Variants in TSHZ1 observed in about 807,000 individuals in gnomAD.
The protein encoded by TSHZ1 is teashirt zinc finger homeobox 1.
TSHZ1 carries 12 observed loss-of-function variants against 67.1 expected under a neutral mutation model. That is an observed-to-expected ratio of 0.18 (90% CI 0.11 to 0.29). The LOEUF (loss-of-function observed/expected upper bound fraction) is 0.29. TSHZ1 is among the 10% of genes least tolerant of loss of function. The pLI is 1.00. For missense variants in TSHZ1, 1,305 were observed against 1,413.9 expected (o/e 0.92, Z 1.23); for synonymous variants, 632 against 622.4 (o/e 1.02, Z -0.23).
intron 1 of TSHZ1, among the ~76,000 whole-genome samples, chr18:75,263,419 A>T (rs1046518313): frequency 6.6e-6 from 1 of 152,216 alleles, no homozygotes; most frequent in South Asian, 2.1e-4. Context: ...CGGTATAAAT[A>T]AGTTATCAAT....
Position 75,288,225 on chromosome 18 carries a change from A to G in TSHZ1, c.2818A>G (p.Ile940Val). The change falls in exon 2 of 2, where the codon ATC (isoleucine) becomes GTC (valine). Residue 940 changes from isoleucine to valine, a missense_variant. Ile to Val is a conservative substitution (Grantham distance 29). Transcript: ENST00000580243. This position sits in a 1 kb window ranked among gnomAD's most constrained non-coding sequence, Gnocchi z 4.9. ...GTTTACTGGGCTCTCCATGACCACC[A>G]TCAGCCACTGGCTGGCCAATGTGAA... ...SKFTGLSMTT[I>V]SHWLANVKYQ... The G allele has an allele frequency of 6.2e-7, 1 of 1,614,208 alleles. No homozygotes were observed. The highest frequency in any genetic ancestry group is 8.5e-7 in the Non-Finnish European group (1 of 1,180,028).
intron 1 of TSHZ1, among the ~76,000 whole-genome samples, chr18:75,240,858 A>C (rs2023147009): frequency 1.3e-5 from 2 of 152,206 alleles, no homozygotes; most frequent in African/African-American, 4.8e-5. Flanking sequence ...TGATCTTAAG[A>C]ATCAGTAATT....
Position 75,237,587 on chromosome 18 carries a change from C to T in TSHZ1, c.40+25671C>T, listed in dbSNP as rs2023090524. 2.6e-5 allele frequency among the ~76,000 whole-genome samples: 4 copies of T among 152,066 alleles called. No homozygotes were observed. In the South Asian group the frequency reaches 8.3e-4, roughly 32 times the overall value. ...ATATATATGTGTGTATACATATATA[C>T]ACACAGGCAAACATATATGTACACA... On this transcript the variant is annotated intron_variant, in intron 1 of 1. Coordinates refer to ENST00000580243, the MANE Select transcript of TSHZ1 (RefSeq NM_001308210.2).
intron 1 of TSHZ1, among the ~76,000 whole-genome samples, chr18:75,214,980 C>T (rs945068850): frequency 2.6e-5 from 4 of 152,078 alleles, no homozygotes; most frequent in African/African-American, 4.8e-5. Flanking sequence ...TTTGCTGGTG[C>T]AGGTGACAAA....
At chr18:75,257,246 G>A (rs1206965607) in intron 1 of TSHZ1, among the ~76,000 whole-genome samples, 1 of 152,156 alleles carries the variant, frequency 6.6e-6, no homozygotes. Flanking sequence ...CCCTTGTTTT[G>A]CGGTAATTCA....
intron 1 of TSHZ1, among the ~76,000 whole-genome samples, chr18:75,224,197 G>T (rs941793658): frequency 6.6e-6 from 1 of 151,636 alleles, no homozygotes; most frequent in Admixed American, 6.6e-5. Context: ...ACACACTACG[G>T]TGCTTGTGCA....
intron 1 of TSHZ1, among the ~76,000 whole-genome samples, chr18:75,233,835 G>T (rs111257686): frequency 6.6e-6 from 1 of 152,296 alleles, no homozygotes; most frequent in South Asian, 2.1e-4. Flanking sequence ...GCATCCGCAC[G>T]CCCGGCTTGC....
chr18:75,272,271 G>A (rs1001812018), intron 1 of TSHZ1, among the ~76,000 whole-genome samples: 3 of 152,216 alleles, frequency 2.0e-5, no homozygotes, highest in African/African-American at 7.2e-5. Context: ...GGCACGCGAG[G>A]CGCCTTGGTC....
chr18:75,285,489 G>A lies in TSHZ1; in HGVS notation c.82G>A (p.Glu28Lys). 6.6e-7 allele frequency: 1 copy of A among 1,511,670 alleles called. No homozygotes were observed. Among genetic ancestry groups the A allele is most frequent in the Non-Finnish European group, 8.9e-7 (1 of 1,128,528 alleles). 93.6% of individuals were successfully genotyped at this position (1,511,670 alleles called of 1,614,324 possible). A position where few individuals can be genotyped will look rare whatever the true frequency, so the allele number is the denominator to read the frequency against. ...AGAATTGAAGGCAGCAGAAATAGAT[G>A]AAGAGCACGTGGAGGATGACGGGCT... ...EEELKAAEIDEEHVEDDGLSL... is the reference protein window; with the variant it reads ...EEELKAAEIDKEHVEDDGLSL... The change falls in exon 2 of 2, where the codon GAA (glutamate) becomes AAA (lysine). Residue 28 changes from glutamate to lysine, a missense_variant. Physicochemically the swap from Glu to Lys is moderately conservative, Grantham distance 56. This residue lies in a region of TSHZ1 where 358 missense variants were observed against 375.6 expected (regional missense o/e 0.95). Transcript: ENST00000580243.
chr18:75,220,678 C>A, intron 1 of TSHZ1, among the ~76,000 whole-genome samples: 1 of 152,158 alleles, frequency 6.6e-6, no homozygotes, highest in East Asian at 1.9e-4. Context: ...CCTAGGAAGG[C>A]CTATTCGCTA....
At chr18:75,271,983 T>C (rs1183178327) in intron 1 of TSHZ1, among the ~76,000 whole-genome samples, 23 of 152,252 alleles carry the variant, frequency 1.5e-4, no homozygotes, top group Non-Finnish European at 3.4e-4. Flanking sequence ...GTCAGTTATG[T>C]GGCGTGATTC....
Position 75,288,838 on chromosome 18 carries a change from C to A in TSHZ1, c.*197C>A. 1.2e-6 allele frequency: 1 copy of A among 847,178 alleles called. No individual in the cohort carries two copies. The highest frequency in any genetic ancestry group is 1.7e-6 in the Non-Finnish European group (1 of 599,614). 52.5% of individuals were successfully genotyped at this position (847,178 alleles called of 1,614,324 possible). A position where few individuals can be genotyped will look rare whatever the true frequency, so the allele number is the denominator to read the frequency against. On this transcript the variant is annotated 3_prime_UTR_variant, in exon 2 of 2. Transcript: ENST00000580243. This position sits in a 1 kb window ranked among gnomAD's most constrained non-coding sequence, Gnocchi z 4.9. Reference sequence around the variant, plus strand: ...ATGTTATTTTTCTTTTTCCGTGAGTCAAAGTCTGACCTTTATTTTCAACAT... The same window carrying A: ...ATGTTATTTTTCTTTTTCCGTGAGTAAAAGTCTGACCTTTATTTTCAACAT...
chr18:75,225,150 G>C (rs183877925), intron 1 of TSHZ1, among the ~76,000 whole-genome samples: 191 of 152,314 alleles, frequency 1.3e-3, no homozygotes, highest in African/African-American at 4.5e-3. Flanking sequence ...GTCAGTGCAC[G>C]TGGGACGTGG....
Position 75,287,330 on chromosome 18 carries a change from G to A in TSHZ1, c.1923G>A (p.Glu641=), listed in dbSNP as rs1311640247. Residue 641 remains glutamate, a synonymous_variant, in exon 2 of 2, where the codon GAG becomes GAA. Coordinates refer to ENST00000580243, the MANE Select transcript of TSHZ1 (RefSeq NM_001308210.2). This position sits in a 1 kb window ranked among gnomAD's most constrained non-coding sequence, Gnocchi z 5.0. ...AGAGCAACGTGTCTGCCATGGAGGA[G>A]CTGGTGGAGAAGGTCACGGGCAAGG... ...PHKSNVSAME[E]LVEKVTGKVN... is the part of the protein sequence containing the mutation. The A allele has an allele frequency of 6.2e-7, 1 of 1,614,044 alleles. No homozygotes were observed. The highest frequency in any genetic ancestry group is 1.3e-5 in the African/African-American group (1 of 74,944).
chr18:75,279,261 G>A (rs2023655993), intron 1 of TSHZ1, among the ~76,000 whole-genome samples: 2 of 152,124 alleles, frequency 1.3e-5, no homozygotes. Context: ...AGTTAGAGGG[G>A]AAAAGTTTAG....
chr18:75,219,191 G>A (rs2022812850), intron 1 of TSHZ1, among the ~76,000 whole-genome samples: 1 of 152,156 alleles, frequency 6.6e-6, no homozygotes, highest in Admixed American at 6.5e-5. Flanking sequence ...TTTGATCTAA[G>A]GGATCAGGGT....
intron 1 of TSHZ1, among the ~76,000 whole-genome samples, chr18:75,257,490 T>C (rs576056438): frequency 1.3e-5 from 2 of 152,352 alleles, no homozygotes; most frequent in South Asian, 4.1e-4. Flanking sequence ...AATACAACTT[T>C]CTGTGAGAAA....
intron 1 of TSHZ1, among the ~76,000 whole-genome samples, chr18:75,212,187 G>A (rs1240459262): frequency 1.3e-5 from 2 of 152,214 alleles, no homozygotes; most frequent in Non-Finnish European, 2.9e-5. Flanking sequence ...GGGGGCCGCG[G>A]GACGGCGGGT....
At chr18:75,244,060 G>A (rs147596310) in intron 1 of TSHZ1, among the ~76,000 whole-genome samples, 4 of 152,312 alleles carry the variant, frequency 2.6e-5, no homozygotes, top group African/African-American at 9.6e-5. Flanking sequence ...TTGTTGGAAG[G>A]GGATGAGGTT....
Sources: gnomAD v4.1 joint callset for allele counts (sites outside exome capture counted in the v4.1 genomes callset) on GRCh38, gnomAD v4.1.1 for gene constraint, gnomAD v4.1.1 regional missense constraint, Gnocchi (gnomAD v3.1) non-coding constraint, MANE v1.5 for transcripts, NCBI Gene and HGNC (gene_info 2026-07-23, HGNC 2026-07-21) for gene names.